Variants in HSPBAP1 observed in about 807,000 individuals in gnomAD.
The protein encoded by HSPBAP1 is HSPB1 associated protein 1, also known as HSPB1-associated protein 1.
Under a neutral mutation model 45.2 loss-of-function variants are expected in HSPBAP1, and 27 were observed. That is an observed-to-expected ratio of 0.60 (90% CI 0.44 to 0.82). HSPBAP1 has a LOEUF of 0.82. HSPBAP1 is among the 40% of genes least tolerant of loss of function. The pLI is 0.00. For missense variants in HSPBAP1, 510 were observed against 590.9 expected, an observed-to-expected ratio of 0.86 and a Z score of 1.42; for synonymous variants, 204 against 202.7, an observed-to-expected ratio of 1.01 and a Z score of -0.06.
intron 3 of HSPBAP1, among the ~76,000 whole-genome samples, chr3:122,764,661 C>T (rs191777530): frequency 1.3e-5 from 2 of 152,242 alleles, no homozygotes; most frequent in East Asian, 3.9e-4. Flanking sequence ...ATATCATTGA[C>T]TAAATAAAGC....
chr3:122,759,473 G>T, intron 3 of HSPBAP1, 113 bp from the exon 4 acceptor site: 1 of 1,151,842 alleles, frequency 8.7e-7, no homozygotes, highest in Non-Finnish European at 1.3e-6. Context: ...ATTCTATTAT[G>T]GAAAATGCTA....
chr3:122,753,382 G>A lies in HSPBAP1; in HGVS notation c.742-708C>T, dbSNP rs541849353. On this transcript the variant is annotated intron_variant, in intron 5 of 7. Coordinates refer to ENST00000306103, the MANE Select transcript of HSPBAP1 (RefSeq NM_024610.6). ...GTAGGGGAATTAGTTTAGGGACAGC[G>A]GACTTCAGAATCTAGATTTTATCTG... is the stretch of plus-strand genomic sequence containing the variant. 237 of 458,750 alleles carry A rather than the reference G, an allele frequency of 5.2e-4. No individual in the cohort carries two copies. In the African/African-American group the frequency reaches 9.1e-3, roughly 18 times the overall value. The allele number at this position is 458,750 out of a possible 1,614,324, so 28.4% of individuals were successfully genotyped here.
intron 2 of HSPBAP1, among the ~76,000 whole-genome samples, chr3:122,774,298 G>GA (rs1370151443): frequency 7.2e-5 from 11 of 152,194 alleles, no homozygotes; most frequent in Non-Finnish European, 1.3e-4. Flanking sequence ...ATTTGGTCAG[G>GA]AAAAATGACA....
chr3:122,762,498 T>C (rs1436615743), intron 3 of HSPBAP1, among the ~76,000 whole-genome samples: 1 of 152,168 alleles, frequency 6.6e-6, no homozygotes, highest in Non-Finnish European at 1.5e-5. Flanking sequence ...AACTAAATTA[T>C]ACCAAGGCTA....
At chr3:122,742,382 G>C (rs1376506845) in intron 6 of HSPBAP1, among the ~76,000 whole-genome samples, 2 of 151,968 alleles carry the variant, frequency 1.3e-5, no homozygotes, top group Non-Finnish European at 2.9e-5. Context: ...TTCACACCAG[G>C]ATAGTGCTAA....
At chr3:122,766,749 G>A (rs1934794772) in intron 3 of HSPBAP1, among the ~76,000 whole-genome samples, 1 of 152,234 alleles carries the variant, frequency 6.6e-6, no homozygotes, top group Non-Finnish European at 1.5e-5. Flanking sequence ...TTAAAGCTCT[G>A]AAGGCAGACT....
intron 1 of HSPBAP1, among the ~76,000 whole-genome samples, chr3:122,785,941 C>T (rs947220950): frequency 5.9e-5 from 9 of 151,850 alleles, no homozygotes; most frequent in African/African-American, 1.9e-4. Context: ...ATGGAAGTTG[C>T]GAGTCAGCCT....
intron 1 of HSPBAP1, among the ~76,000 whole-genome samples, chr3:122,784,175 AT>A (rs1179222003): frequency 5.3e-5 from 8 of 152,126 alleles, no homozygotes; most frequent in African/African-American, 1.9e-4. Flanking sequence ...AAAGTGGCAT[AT>A]TTGGGGGTGG....
chr3:122,777,746 T>G lies in HSPBAP1; in HGVS notation c.225A>C (p.Arg75Ser). ...QVLHGKQIRF[R>S]MGMKSMSTVP... ...CTGTGCTCATGCTTTTCATCCCCAT[T>G]CTGAATCGTATCTGCTTGCCATGAA... The change falls in exon 2 of 8, where the codon AGA becomes AGC. Residue 75 changes from arginine to serine, a missense_variant. Transcript: ENST00000306103. The G allele has an allele frequency of 6.2e-7, 1 of 1,613,928 alleles. No individual in the cohort carries two copies. Among genetic ancestry groups the G allele is most frequent in the Non-Finnish European group, 8.5e-7 (1 of 1,179,908 alleles).
chr3:122,766,440 A>G (rs774357156), intron 3 of HSPBAP1, among the ~76,000 whole-genome samples: 8 of 152,246 alleles, frequency 5.3e-5, no homozygotes, highest in Non-Finnish European at 1.0e-4. Context: ...TCATAGCAGA[A>G]TTAATTGCCA....
Position 122,752,581 on chromosome 3 carries a change from G to T in HSPBAP1, c.825+10C>A. 3 of 1,378,256 alleles carry T rather than the reference G, an allele frequency of 2.2e-6. No homozygotes were observed. Among genetic ancestry groups the T allele is most frequent in the South Asian group, 1.5e-5 (1 of 68,384 alleles). The allele number at this position is 1,378,256 out of a possible 1,614,324, so 85.4% of individuals were successfully genotyped here. ...TACTTAAAAAAAAAAAAAAAACAACGAAAAAGTACCAGTTCAATCCATGAG... is the reference window on the plus strand; with the variant it reads ...TACTTAAAAAAAAAAAAAAAACAACTAAAAAGTACCAGTTCAATCCATGAG... On this transcript the variant is annotated intron_variant, in intron 6 of 7. Coordinates refer to ENST00000306103, the MANE Select transcript of HSPBAP1 (RefSeq NM_024610.6).
At position 122,747,778 on chromosome 3, in the gene HSPBAP1, C is replaced by T. The variant is rs868303617; in HGVS notation, c.825+4813G>A. Among the ~76,000 whole-genome samples the T allele has an allele frequency of 4.1e-3, 584 of 141,640 alleles. 14 individuals carry two copies. Among genetic ancestry groups the T allele is most frequent in the African/African-American group, 0.016 (528 of 33,656 alleles). 92.9% of individuals were successfully genotyped at this position (141,640 alleles called of 152,430 possible). On this transcript the variant is annotated intron_variant, in intron 6 of 7. Coordinates refer to ENST00000306103, the MANE Select transcript of HSPBAP1 (RefSeq NM_024610.6). ...GAGGTGGGGGGGTCAGCCCCCCGCC[C>T]GGCCAGCCGCCCCGTCCGGGAGGTG...
chr3:122,790,327 C>T (rs1178738528), intron 1 of HSPBAP1, among the ~76,000 whole-genome samples: 2 of 152,198 alleles, frequency 1.3e-5, no homozygotes, highest in Non-Finnish European at 2.9e-5. Context: ...CAAGTCTTCC[C>T]CTTTTTCACC....
At chr3:122,745,418 G>C (rs114186312) in intron 6 of HSPBAP1, among the ~76,000 whole-genome samples, 24 of 152,126 alleles carry the variant, frequency 1.6e-4, no homozygotes, top group Non-Finnish European at 2.9e-5. Context: ...ATGGCAGTCC[G>C]CCCTTATCTG....
At chr3:122,779,858 A>G (rs1235748005) in intron 1 of HSPBAP1, among the ~76,000 whole-genome samples, 1 of 152,072 alleles carries the variant, frequency 6.6e-6, no homozygotes, top group Non-Finnish European at 1.5e-5. Context: ...CCAAGGCAGA[A>G]GAATTTTTCT....
intron 1 of HSPBAP1, among the ~76,000 whole-genome samples, chr3:122,786,792 A>G (rs182031712): frequency 1.3e-3 from 205 of 152,350 alleles, no homozygotes; most frequent in African/African-American, 4.5e-3. Flanking sequence ...ACAGGAAATT[A>G]GCATATTTAC....
rs978439591 is a variant in HSPBAP1, at chr3:122,753,294, A to G, written c.742-620T>C. ...GATAAGAGGTACAGGTGAGGGAGGTAGGACTACAGAAGATAGCAAGTAGGT... is the reference window on the plus strand; with the variant it reads ...GATAAGAGGTACAGGTGAGGGAGGTGGGACTACAGAAGATAGCAAGTAGGT... On this transcript the variant is annotated intron_variant, in intron 5 of 7. Coordinates refer to ENST00000306103, the MANE Select transcript of HSPBAP1 (RefSeq NM_024610.6). 3.5e-5 allele frequency: 11 copies of G among 312,394 alleles called. No homozygotes were observed. In the East Asian group the frequency reaches 1.2e-3, roughly 35 times the overall value. The allele number at this position is 312,394 out of a possible 1,614,324, so 19.4% of individuals were successfully genotyped here.
intron 2 of HSPBAP1, among the ~76,000 whole-genome samples, chr3:122,772,722 A>G (rs1935044084): frequency 6.6e-6 from 1 of 152,138 alleles, no homozygotes; most frequent in African/African-American, 2.4e-5. Flanking sequence ...GGAATTTCTG[A>G]AGTTAAAATA....
chr3:122,758,817 AGG>A (rs1280075262), intron 4 of HSPBAP1: 2 of 451,800 alleles, frequency 4.4e-6, no homozygotes, highest in East Asian at 1.4e-4. Context: ...GGATGGCTTG[AGG>A]TCCAGGAGCT....
Sources: gnomAD v4.1 joint callset for allele counts (sites outside exome capture counted in the v4.1 genomes callset) on GRCh38, gnomAD v4.1.1 for gene constraint, MANE v1.5 for transcripts, NCBI Gene and HGNC (gene_info 2026-07-23, HGNC 2026-07-21) for gene names.